Variants in TM2D3 observed in about 807,000 individuals in gnomAD.
The protein encoded by TM2D3 is TM2 domain containing 3.
A neutral mutation model predicts 27.3 loss-of-function variants in TM2D3; 33 were observed. The observed-to-expected ratio is 1.21, with a 90% CI of 0.92 to 1.61. The LOEUF is 1.61. Ranked by LOEUF, TM2D3 falls within the 40% of genes most tolerant of loss-of-function variation. The pLI, the probability that TM2D3 is intolerant of heterozygous loss-of-function variation, is 0.00. For missense variants in TM2D3, 364 were observed against 320.8 expected (o/e 1.13, Z -1.03); for synonymous variants, 138 against 122.2 (o/e 1.13, Z -0.85).
At chr15:101,636,684 C>T (rs1896557784) in intron 4 of TM2D3, 2 of 218,866 alleles carry the variant, frequency 9.1e-6, no homozygotes, top group Admixed American at 5.8e-5. Flanking sequence ...TGGGTGTATA[C>T]CTAGAAGATT....
chr15:101,645,692 T>C (rs1008585353), intron 4 of TM2D3: 3 of 152,154 alleles, frequency 2.0e-5, no homozygotes, highest in African/African-American at 4.8e-5. Context: ...ATGTAGCAAA[T>C]TGTCTTTATT....
intron 3 of TM2D3, among the ~76,000 whole-genome samples, chr15:101,649,267 C>T (rs562884356): frequency 3.1e-4 from 47 of 151,958 alleles, no homozygotes; most frequent in African/African-American, 1.0e-3. Flanking sequence ...ATTCTAGAAA[C>T]GCTTTTTCCT....
intron 5 of TM2D3, among the ~76,000 whole-genome samples, chr15:101,643,998 A>T (rs2956847): frequency 6.6e-6 from 1 of 151,762 alleles, no homozygotes; most frequent in African/African-American, 2.4e-5. Context: ...CACAGACATG[A>T]ACCACGATGG....
At chr15:101,642,675 G>C in intron 5 of TM2D3, 31 bp from the exon 6 acceptor site, 1 of 1,554,900 alleles carries the variant, frequency 6.4e-7, no homozygotes, top group Non-Finnish European at 8.7e-7. Context: ...GATTCCATGA[G>C]ACCACCTCCA....
rs1394775975 is a variant in TM2D3 at position 101,649,241 on chromosome 15, G to A, written c.327+763C>T. On this transcript the variant is annotated intron_variant, in intron 3 of 5. Coordinates refer to ENST00000333202, the MANE Select transcript of TM2D3 (RefSeq NM_078474.3). The stretch of plus-strand genomic sequence containing the variant: ...GTGTTTATATATTACTGATATTACT[G>A]TATTATTTGTCACATATTCTAGAAA... Among the ~76,000 whole-genome samples, 2 of 151,638 alleles carry A rather than the reference G, an allele frequency of 1.3e-5. 1 individual carries two copies. The highest frequency in any genetic ancestry group is 4.1e-4 in the South Asian group (2 of 4,822).
rs768891839 is a variant in TM2D3 at position 101,642,526 on chromosome 15, T to C, written c.697A>G (p.Ile233Val). 2 of 1,613,428 alleles carry C rather than the reference T, an allele frequency of 1.2e-6. No individual in the cohort carries two copies. Among genetic ancestry groups the C allele is most frequent in the South Asian group, 1.1e-5 (1 of 90,952 alleles). Residue 233 changes from isoleucine (I) to valine (V), a missense_variant, in exon 6 of 6, where the codon ATT (isoleucine) becomes GTT (valine). Ile to Val is a conservative substitution (Grantham distance 29). Transcript: ENST00000333202. ...GIWTLIDVLLIGVGYVGPADG... is the reference protein window; with the variant it reads ...GIWTLIDVLLVGVGYVGPADG... ...GCTGGTCCAACATAGCCAACTCCAA[T>C]GAGCAGGACGTCTATCAGCGTCCAT...
At chr15:101,650,416 T>C in intron 2 of TM2D3, 1 of 352,380 alleles carries the variant, frequency 2.8e-6, no homozygotes, top group Non-Finnish European at 5.1e-6. Flanking sequence ...AAACTAAAGG[T>C]GCTCATATAC....
intron 4 of TM2D3, chr15:101,645,425 A>C: frequency 2.2e-6 from 1 of 457,658 alleles, no homozygotes; most frequent in Non-Finnish European, 3.9e-6. Context: ...AGTATATAAG[A>C]CAGTGTAGTC....
downstream of TM2D3, among the ~76,000 whole-genome samples, chr15:101,637,114 G>A (rs1319451932): frequency 6.6e-6 from 1 of 152,198 alleles, no homozygotes; most frequent in African/African-American, 2.4e-5. Flanking sequence ...GGAAAGGCAG[G>A]ACAGCTCGAA....
At position 101,651,747 on chromosome 15, in the gene TM2D3, T is replaced by C. The variant is rs375375270; in HGVS notation, c.118A>G (p.Ile40Val). The C allele has an allele frequency of 1.9e-5, 31 of 1,614,222 alleles. No homozygotes were observed. In the African/African-American group the frequency reaches 2.5e-4, roughly 13 times the overall value. Residue 40 changes from isoleucine to valine, a missense_variant, in exon 2 of 6, where the codon ATA becomes GTA. Coordinates refer to ENST00000333202, the MANE Select transcript of TM2D3 (RefSeq NM_078474.3). ...GEQSQALAQS[I>V]KDPGPTRTFT... The stretch of plus-strand genomic sequence containing the variant: ...GTGCGTGTTGGGCCCGGATCCTTTA[T>C]TGACTGAGCCAGCGCCTGCGATTGC...
Position 101,652,295 on chromosome 15 carries a change from G to T in TM2D3, c.67C>A (p.Gln23Lys). ...CCACCGCCCGACAGAATGCAGAACT[G>T]CGAGAGGAAGAGCAGCACGCGACAC... ...ALCRVLLFLSQFCILSGGEQS... is the reference protein window; with the variant it reads ...ALCRVLLFLSKFCILSGGEQS... The change falls in exon 1 of 6, where the codon CAG becomes AAG. Residue 23 changes from glutamine (Q) to lysine (K), a missense_variant. Transcript: ENST00000333202. The T allele has an allele frequency of 6.2e-7, 1 of 1,604,954 alleles. No homozygotes were observed. Among genetic ancestry groups the T allele is most frequent in the Non-Finnish European group, 8.5e-7 (1 of 1,176,198 alleles).
At chr15:101,649,937 C>T in intron 3 of TM2D3, 67 bp downstream of exon 3, 1 of 1,440,586 alleles carries the variant, frequency 6.9e-7, no homozygotes, top group Non-Finnish European at 9.6e-7. Context: ...ATAATCAAGT[C>T]TGAATTGTTC....
Position 101,643,675 on chromosome 15 carries a change from G to A in TM2D3, c.579-1031C>T, listed in dbSNP as rs533462419. Among the ~76,000 whole-genome samples the A allele has an allele frequency of 2.2e-5, 3 of 139,048 alleles. No homozygotes were observed. In the South Asian group the frequency reaches 6.9e-4, roughly 32 times the overall value. The allele number at this position is 139,048 out of a possible 152,430, so 91.2% of individuals were successfully genotyped here. On this transcript the variant is annotated intron_variant, in intron 5 of 5. Transcript: ENST00000333202. ...TGCTGAGAAGTTTTAATTGTTGAAA[G>A]TATGTTACAGTATAGTACTGTAAGA...
rs753458130 is a variant in TM2D3, at chr15:101,642,475, A to C, written c.*4T>G. 4 of 1,606,048 alleles carry C rather than the reference A, an allele frequency of 2.5e-6. No homozygotes were observed. The East Asian group carries it at 9.0e-5, about 36-fold the overall frequency. On this transcript the variant is annotated 3_prime_UTR_variant, in exon 6 of 6. Transcript: ENST00000333202. ...CCTGCTCCTTTCTGAAGCACACACC[A>C]CAGCTAAATGTACAAAGAGCCATCT...
At chr15:101,636,844 TTTTTC>T (rs775403115), downstream of TM2D3, 30 of 381,482 alleles carry the variant, frequency 7.9e-5, no homozygotes, top group Admixed American at 3.0e-4. Context: ...TTGTGTTTTC[TTTTTC>T]TTTTATTTTT....
At chr15:101,645,540 A>T (rs1163712766) in intron 4 of TM2D3, 1 of 181,700 alleles carries the variant, frequency 5.5e-6, no homozygotes, top group Non-Finnish European at 1.1e-5. Flanking sequence ...CACACGGATC[A>T]ACAGGGAAGA....
At chr15:101,639,666 A>G (rs1896625087), downstream of TM2D3, among the ~76,000 whole-genome samples, 3 of 152,196 alleles carry the variant, frequency 2.0e-5, no homozygotes, top group Admixed American at 1.3e-4. Flanking sequence ...CTTTGAAAAA[A>G]TCTTTTTATA....
intron 3 of TM2D3, among the ~76,000 whole-genome samples, chr15:101,647,125 G>A (rs1378867106): frequency 6.6e-6 from 1 of 152,172 alleles, no homozygotes; most frequent in East Asian, 1.9e-4. Context: ...GTACTTAAGG[G>A]AAAAAACTAG....
At position 101,650,011 on chromosome 15, in the gene TM2D3, G is replaced by T. The variant is rs768556490; in HGVS notation, c.320C>A (p.Thr107Asn). The stretch of plus-strand genomic sequence containing the variant: ...GTAAGCTGCAGTACTTACAACACAG[G>T]TAACAGATGGTTTCACTGCACAGTC... ...TFDCAVKPSV[T>N]CVDQDFKSQK... Residue 107 changes from threonine (T) to asparagine (N), a missense_variant, in exon 3 of 6, where the codon ACC becomes AAC. Coordinates refer to ENST00000333202, the MANE Select transcript of TM2D3 (RefSeq NM_078474.3). 3.7e-6 allele frequency: 6 copies of T among 1,613,642 alleles called. No homozygotes were observed. The South Asian group carries it at 6.6e-5, about 18-fold the overall frequency.
Sources: gnomAD v4.1 joint callset for allele counts (sites outside exome capture counted in the v4.1 genomes callset) on GRCh38, gnomAD v4.1.1 for gene constraint, MANE v1.5 for transcripts, NCBI Gene and HGNC (gene_info 2026-07-23, HGNC 2026-07-21) for gene names.